The following SPMIP7 variants were observed in gnomAD, a reference collection of about 807,000 sequenced individuals.
SPMIP7 encodes sperm microtubule inner protein 7.
chr7:50,127,101 C>T, the SPMIP7 span, among the ~76,000 whole-genome samples: 1 of 151,780 alleles, frequency 6.6e-6, no homozygotes, highest in Admixed American at 6.6e-5. Context: ...CATATAAATC[C>T]ACACAATTAC....
chr7:50,128,662 G>A, the SPMIP7 span, among the ~76,000 whole-genome samples: 2 of 151,900 alleles, frequency 1.3e-5, no homozygotes, highest in Non-Finnish European at 2.9e-5. Context: ...AGGTACATGC[G>A]GAAGTTAGAG....
At chr7:50,134,393 C>A in the SPMIP7 span, 2 of 608,568 alleles carry the variant, frequency 3.3e-6, no homozygotes, top group South Asian at 5.6e-5. Flanking sequence ...TATACACACA[C>A]ACACACACAC....
At chr7:50,137,820 T>C in the SPMIP7 span, among the ~76,000 whole-genome samples, 2 of 152,180 alleles carry the variant, frequency 1.3e-5, no homozygotes, top group Admixed American at 1.3e-4. Flanking sequence ...CTTGCCTGCT[T>C]ATATATTTTG....
At chr7:50,107,362 C>CAAAAAAAAAAAAAA in the SPMIP7 span, among the ~76,000 whole-genome samples, 2 of 16,650 alleles carry the variant, frequency 1.2e-4, no homozygotes, top group Admixed American at 1.9e-3. Flanking sequence ...GACTCTGTCT[C>CAAAAAAAAAAAAAA]AAAAAAAAAA....
At chr7:50,120,597 C>T in the SPMIP7 span, among the ~76,000 whole-genome samples, 1 of 152,138 alleles carries the variant, frequency 6.6e-6, no homozygotes, top group South Asian at 2.1e-4. Context: ...CCTGTAAACA[C>T]TGCCACCGAA....
chr7:50,101,548 G>T, the SPMIP7 span, among the ~76,000 whole-genome samples: 2 of 152,106 alleles, frequency 1.3e-5, no homozygotes, highest in Non-Finnish European at 2.9e-5. Context: ...TACTGAAACG[G>T]AGTGGAGGAA....
the SPMIP7 span, among the ~76,000 whole-genome samples, chr7:50,123,619 A>T: frequency 6.6e-6 from 1 of 150,808 alleles, no homozygotes; most frequent in Non-Finnish European, 1.5e-5. Context: ...AAATGTTTGT[A>T]CACGTTATGT....
At chr7:50,112,116 G>A in the SPMIP7 span, among the ~76,000 whole-genome samples, 2 of 151,958 alleles carry the variant, frequency 1.3e-5, no homozygotes, top group East Asian at 3.8e-4. Context: ...TAATTAAATG[G>A]TGCAAAGGAA....
the SPMIP7 span, among the ~76,000 whole-genome samples, chr7:50,152,086 G>A: frequency 1.3e-5 from 2 of 152,212 alleles, no homozygotes; most frequent in Non-Finnish European, 1.5e-5. Context: ...GGTGGCTCAT[G>A]CCTGTAATCC....
At chr7:50,140,281 T>G in the SPMIP7 span, 7 of 622,764 alleles carry the variant, frequency 1.1e-5, no homozygotes, top group East Asian at 2.0e-4. Flanking sequence ...TTAAGACAAC[T>G]TATATATTGT....
the SPMIP7 span, chr7:50,134,381 T>TACAC: frequency 7.9e-5 from 44 of 560,094 alleles, 2 homozygotes; most frequent in African/African-American, 3.6e-4. Context: ...TAAGTAAATA[T>TACAC]ATATACACAC....
chr7:50,140,874 G>T, the SPMIP7 span, among the ~76,000 whole-genome samples: 1 of 152,182 alleles, frequency 6.6e-6, no homozygotes, highest in Non-Finnish European at 1.5e-5. Context: ...GTGGCTTGTT[G>T]CCCAAGCTCC....
the SPMIP7 span, among the ~76,000 whole-genome samples, chr7:50,098,425 C>A: frequency 6.6e-6 from 1 of 152,158 alleles, no homozygotes; most frequent in Non-Finnish European, 1.5e-5. Flanking sequence ...ATTGTCACTT[C>A]CTTGATTGTC....
At chr7:50,117,258 A>G in the SPMIP7 span, 2 of 456,172 alleles carry the variant, frequency 4.4e-6, no homozygotes, top group Non-Finnish European at 8.8e-6. Flanking sequence ...CTTACCCAAA[A>G]ACATGAAGGA....
the SPMIP7 span, among the ~76,000 whole-genome samples, chr7:50,134,826 T>A: frequency 6.6e-6 from 1 of 152,220 alleles, no homozygotes; most frequent in African/African-American, 2.4e-5. Flanking sequence ...CAGATAACTT[T>A]TCGTAATGTG....
the SPMIP7 span, among the ~76,000 whole-genome samples, chr7:50,145,658 ATAC>A: frequency 8.7e-6 from 1 of 114,610 alleles, no homozygotes; most frequent in African/African-American, 3.4e-5. Flanking sequence ...ATATATATAT[ATAC>A]ATCTTACATA....
chr7:50,107,362 C>CAAAAAAAAAAAA, the SPMIP7 span, among the ~76,000 whole-genome samples: 3 of 16,654 alleles, frequency 1.8e-4, no homozygotes, highest in African/African-American at 2.9e-4. Context: ...GACTCTGTCT[C>CAAAAAAAAAAAA]AAAAAAAAAA....
At chr7:50,138,939 T>G in the SPMIP7 span, among the ~76,000 whole-genome samples, 2 of 152,196 alleles carry the variant, frequency 1.3e-5, no homozygotes, top group African/African-American at 4.8e-5. Context: ...ATGTGCAAGA[T>G]TTTTGATAAA....
the SPMIP7 span, among the ~76,000 whole-genome samples, chr7:50,125,742 C>A: frequency 6.6e-6 from 1 of 151,848 alleles, no homozygotes; most frequent in African/African-American, 2.4e-5. Flanking sequence ...AGAAATATTG[C>A]ATGATTTTAC....
Sources: gnomAD v4.1 joint callset for allele counts (sites outside exome capture counted in the v4.1 genomes callset) on GRCh38, gnomAD v4.1.1 for gene constraint, MANE v1.5 for transcripts, NCBI Gene and HGNC (gene_info 2026-07-23, HGNC 2026-07-21) for gene names.